The following MEIKIN variants were observed in gnomAD, a reference collection of about 807,000 sequenced individuals.
The protein encoded by MEIKIN is meiosis-specific kinetochore protein.
At chr5:131,881,712 G>A (rs2149629435) in intron 8 of MEIKIN, among the ~76,000 whole-genome samples, 1 of 152,158 alleles carries the variant, frequency 6.6e-6, no homozygotes. Flanking sequence ...TGGTATATAT[G>A]TATTCATCCA....
chr5:131,851,696 G>C (rs1750118027), intron 10 of MEIKIN, among the ~76,000 whole-genome samples: 1 of 152,130 alleles, frequency 6.6e-6, no homozygotes, highest in Non-Finnish European at 1.5e-5. Context: ...CTCTAACATA[G>C]AACTCTCTCC....
chr5:131,842,249 G>A (rs1423567724), intron 11 of MEIKIN, among the ~76,000 whole-genome samples: 3 of 152,164 alleles, frequency 2.0e-5, no homozygotes, highest in Admixed American at 6.6e-5. Flanking sequence ...ACAGGTGTGA[G>A]CCACCTTGCC....
At chr5:131,912,690 G>A (rs1168156483) in intron 7 of MEIKIN, among the ~76,000 whole-genome samples, 19 of 152,098 alleles carry the variant, frequency 1.2e-4, no homozygotes, top group Middle Eastern at 3.4e-3. Flanking sequence ...GTACCTTCTC[G>A]CCTCTGAATG....
intron 8 of MEIKIN, among the ~76,000 whole-genome samples, chr5:131,905,037 T>C (rs1053312280): frequency 1.3e-5 from 2 of 151,868 alleles, no homozygotes; most frequent in Admixed American, 1.3e-4. Context: ...CTAATGTAGG[T>C]GAAGGGTTGA....
chr5:131,868,571 T>C (rs1380438056), intron 9 of MEIKIN, among the ~76,000 whole-genome samples: 2 of 152,188 alleles, frequency 1.3e-5, no homozygotes, highest in Non-Finnish European at 1.5e-5. Flanking sequence ...TTTGTTGTTG[T>C]TGTTGTTTTT....
At chr5:131,837,940 G>A (rs1220912900) in intron 11 of MEIKIN, among the ~76,000 whole-genome samples, 10 of 151,988 alleles carry the variant, frequency 6.6e-5, no homozygotes, top group African/African-American at 2.4e-4. Flanking sequence ...TTCTTGTGCT[G>A]GTTTTCAAGG....
chr5:131,820,815 T>C (rs1749484937), intron 11 of MEIKIN, among the ~76,000 whole-genome samples: 1 of 152,214 alleles, frequency 6.6e-6, no homozygotes, highest in Non-Finnish European at 1.5e-5. Flanking sequence ...TTGCTCATAG[T>C]GGACACTAAT....
chr5:131,870,634 C>G (rs1441117574), intron 9 of MEIKIN, among the ~76,000 whole-genome samples: 1 of 152,210 alleles, frequency 6.6e-6, no homozygotes, highest in South Asian at 2.1e-4. Flanking sequence ...TAAATAGCAT[C>G]TTTATCCACT....
chr5:131,816,829 G>A (rs1181307845), intron 12 of MEIKIN, among the ~76,000 whole-genome samples: 1 of 152,168 alleles, frequency 6.6e-6, no homozygotes, highest in African/African-American at 2.4e-5. Context: ...AATATGAAAA[G>A]TCAGCACTGT....
chr5:131,879,244 G>A (rs1286467831), intron 8 of MEIKIN, among the ~76,000 whole-genome samples, 196 bp from the exon 9 acceptor site: 1 of 152,046 alleles, frequency 6.6e-6, no homozygotes, highest in Non-Finnish European at 1.5e-5. Context: ...CTTATCTTAA[G>A]AGCTCCAGGT....
At chr5:131,934,409 C>G (rs2149653023) in intron 4 of MEIKIN, among the ~76,000 whole-genome samples, 1 of 152,204 alleles carries the variant, frequency 6.6e-6, no homozygotes, top group African/African-American at 2.4e-5. Context: ...TGGAAATAGA[C>G]TCACACATAG....
chr5:131,943,367 C>A (rs912568365), intron 3 of MEIKIN, among the ~76,000 whole-genome samples: 4 of 152,200 alleles, frequency 2.6e-5, no homozygotes, highest in African/African-American at 9.6e-5. Flanking sequence ...GAAACATGAT[C>A]CAACCTGTGA....
chr5:131,868,676 G>A (rs1016717613), intron 9 of MEIKIN, among the ~76,000 whole-genome samples: 1 of 148,466 alleles, frequency 6.7e-6, no homozygotes, highest in East Asian at 2.0e-4. Flanking sequence ...AGGCTCATGC[G>A]ATCCTCCCAT....
chr5:131,908,737 G>C (rs188943460), intron 8 of MEIKIN, among the ~76,000 whole-genome samples: 400 of 152,276 alleles, frequency 2.6e-3, no homozygotes, highest in African/African-American at 8.9e-3. Context: ...AAAGTTACTT[G>C]ATACAAAATC....
chr5:131,860,115 T>C (rs1190517698), intron 9 of MEIKIN, among the ~76,000 whole-genome samples: 6 of 152,192 alleles, frequency 3.9e-5, no homozygotes, highest in African/African-American at 1.4e-4. Flanking sequence ...AGTTAGAGAT[T>C]GCACTGAATC....
intron 12 of MEIKIN, among the ~76,000 whole-genome samples, chr5:131,812,428 A>G (rs529010916): frequency 6.6e-6 from 1 of 152,310 alleles, no homozygotes; most frequent in South Asian, 2.1e-4. Flanking sequence ...TATTCCTACA[A>G]TGAAATTGGT....
intron 6 of MEIKIN, among the ~76,000 whole-genome samples, chr5:131,919,942 C>T (rs550275775): frequency 1.3e-5 from 2 of 152,234 alleles, no homozygotes; most frequent in South Asian, 4.1e-4. Context: ...AAAAGTGAAT[C>T]AATAACAAAT....
chr5:131,936,454 T>TA (rs1751778350), intron 4 of MEIKIN, among the ~76,000 whole-genome samples: 1 of 152,262 alleles, frequency 6.6e-6, no homozygotes, highest in Non-Finnish European at 1.5e-5. Flanking sequence ...AATATACTCG[T>TA]AGCCAAGCCC....
At chr5:131,934,657 T>C (rs961813894) in intron 4 of MEIKIN, among the ~76,000 whole-genome samples, 1 of 152,240 alleles carries the variant, frequency 6.6e-6, no homozygotes, top group Admixed American at 6.5e-5. Context: ...CACCGAGTTA[T>C]GCAAAGAATT....
Sources: allele counts gnomAD v4.1 joint callset (sites outside exome capture counted in the v4.1 genomes callset), GRCh38; gene constraint gnomAD v4.1.1; transcripts MANE v1.5; gene names NCBI Gene and HGNC (gene_info 2026-07-23, HGNC 2026-07-21).